Variants in LOXHD1 observed in about 807,000 individuals in gnomAD.
LOXHD1 encodes lipoxygenase homology domain-containing protein 1.
A neutral mutation model predicts 248.2 loss-of-function variants in LOXHD1; 205 were observed. The ratio of observed to expected loss-of-function variants is 0.83; its 90% confidence interval spans 0.74 to 0.93. The LOEUF is 0.93. LOXHD1 is among the 40% of genes least tolerant of loss of function. LOXHD1 has a pLI of 0.00. For missense variants in LOXHD1, 2,930 were observed against 2,971.6 expected, an observed-to-expected ratio of 0.99 and a Z score of 0.33; for synonymous variants, 1,113 against 1,162.8, an observed-to-expected ratio of 0.96 and a Z score of 0.87.
chr18:46,644,988 G>A (rs2039010859), intron 2 of LOXHD1, among the ~76,000 whole-genome samples: 1 of 152,206 alleles, frequency 6.6e-6, no homozygotes, highest in Non-Finnish European at 1.5e-5. Context: ...CAGTGCTTAT[G>A]AGATGGACAC....
intron 1 of LOXHD1, 93 bp downstream of exon 1, chr18:46,656,811 G>A (rs1568238218): frequency 2.8e-6 from 4 of 1,405,654 alleles, no homozygotes; most frequent in Non-Finnish European, 3.9e-6. Context: ...GGCTTGCTCC[G>A]AAATCTTAGA....
chr18:46,639,528 T>C, intron 4 of LOXHD1, 88 bp downstream of exon 4: 1 of 1,442,358 alleles, frequency 6.9e-7, no homozygotes, highest in Non-Finnish European at 9.3e-7. Context: ...TAGGTGAGAC[T>C]GCCCAGAGCA....
intron 29 of LOXHD1, among the ~76,000 whole-genome samples, chr18:46,525,458 G>A (rs1345895736): frequency 6.6e-6 from 1 of 152,158 alleles, no homozygotes; most frequent in African/African-American, 2.4e-5. Context: ...GTAGAGGTGA[G>A]GCTCTGGGGG....
intron 2 of LOXHD1, among the ~76,000 whole-genome samples, chr18:46,648,764 A>G (rs1020436303): frequency 1.3e-5 from 2 of 152,190 alleles, no homozygotes; most frequent in African/African-American, 4.8e-5. Context: ...GAGACCTTGT[A>G]TTTTATGCTC....
intron 6 of LOXHD1, among the ~76,000 whole-genome samples, chr18:46,610,152 G>C (rs575358360): frequency 7.2e-5 from 11 of 152,286 alleles, no homozygotes; most frequent in African/African-American, 2.6e-4. Flanking sequence ...GTCAGGGAAG[G>C]CTTCATGGCA....
At position 46,522,187 on chromosome 18, in the gene LOXHD1, G is replaced by A. The variant is rs1205241528; in HGVS notation, c.4999C>T (p.Pro1667Ser). Residue 1667 changes from proline (P) to serine (S), a missense_variant, in exon 32 of 41, where the codon CCC becomes TCC. By Grantham distance (74) the Pro-to-Ser change is moderately conservative (BLOSUM62 -1). Transcript: ENST00000642948. ...CGGCTGAAGCCCCTCTTCCCTCGGG[G>A]GTAGTCCAACCAGATGCGCTTACTA... is the stretch of plus-strand genomic sequence containing the variant. Reference protein sequence around the residue: ...ERSKRIWLDYPRGKRGFSRGS... With the variant: ...ERSKRIWLDYSRGKRGFSRGS... 2.6e-6 allele frequency: 4 copies of A among 1,551,596 alleles called. No homozygotes were observed. In the African/African-American group the frequency reaches 4.1e-5, roughly 16 times the overall value.
At chr18:46,638,721 T>C (rs1430847455) in intron 4 of LOXHD1, among the ~76,000 whole-genome samples, 2 of 152,182 alleles carry the variant, frequency 1.3e-5, no homozygotes, top group Non-Finnish European at 2.9e-5. Context: ...ACAAGTCAAG[T>C]GTCAAGTTTA....
In LOXHD1 at chr18:46,592,360, T is replaced by C. The variant is rs563122058; in HGVS notation, c.1518+138A>G. ...GAAGTCCCTGTGGCCTGTATCCAAA[T>C]TCAGGTCTCACCATAACCCTTTTCA... On this transcript the variant is annotated intron_variant, in intron 11 of 40. Coordinates refer to ENST00000642948, the MANE Select transcript of LOXHD1 (RefSeq NM_001384474.1). 5 of 778,710 alleles carry C rather than the reference T, an allele frequency of 6.4e-6. No homozygotes were observed. In the South Asian group the frequency reaches 9.4e-5, roughly 15 times the overall value. The allele number at this position is 778,710 out of a possible 1,614,324, so 48.2% of individuals were successfully genotyped here. A position where few individuals can be genotyped will look rare whatever the true frequency, so the allele number is the denominator to read the frequency against.
chr18:46,627,221 G>A (rs2038754924), intron 4 of LOXHD1, among the ~76,000 whole-genome samples: 1 of 152,188 alleles, frequency 6.6e-6, no homozygotes, highest in Admixed American at 6.5e-5. Flanking sequence ...GAGCCAGTCT[G>A]AGTGGCTGTG....
chr18:46,483,506 G>T (rs2032756947), intron 40 of LOXHD1, 81 bp downstream of exon 40: 3 of 1,506,244 alleles, frequency 2.0e-6, no homozygotes, highest in African/African-American at 2.8e-5. Context: ...ATCATACCCT[G>T]CTCTCTTGCC....
chr18:46,535,201 G>A (rs1184008605), intron 26 of LOXHD1, among the ~76,000 whole-genome samples: 1 of 152,076 alleles, frequency 6.6e-6, no homozygotes, highest in Non-Finnish European at 1.5e-5. Context: ...AGAACCACAA[G>A]GCAGGCACCA....
intron 14 of LOXHD1, among the ~76,000 whole-genome samples, chr18:46,577,135 C>T (rs2037873997): frequency 6.6e-6 from 1 of 152,150 alleles, no homozygotes; most frequent in Non-Finnish European, 1.5e-5. Flanking sequence ...ATGTGGAGAG[C>T]CACCATGATG....
intron 4 of LOXHD1, among the ~76,000 whole-genome samples, chr18:46,636,362 G>A (rs2144368268): frequency 6.6e-6 from 1 of 152,322 alleles, no homozygotes; most frequent in South Asian, 2.1e-4. Flanking sequence ...GTGCCTACAG[G>A]TAGGGCAGGC....
rs1489403580 is a variant in LOXHD1 at position 46,618,239 on chromosome 18, G to A, written c.563C>T (p.Thr188Ile). ...VYTGDVIGAG[T>I]DADVFINIFG... ...AATATTGATGAAGACATCAGCATCTGTCCCTGCACCAATTACATCACCAGT... is the reference window on the plus strand; with the variant it reads ...AATATTGATGAAGACATCAGCATCTATCCCTGCACCAATTACATCACCAGT... Residue 188 changes from threonine to isoleucine, a missense_variant, in exon 5 of 41, where the codon ACA (threonine) becomes ATA (isoleucine). Transcript: ENST00000642948. 3 of 1,551,396 alleles carry A rather than the reference G, an allele frequency of 1.9e-6. No homozygotes were observed. The highest frequency in any genetic ancestry group is 2.6e-6 in the Non-Finnish European group (3 of 1,146,792).
chr18:46,642,088 G>C (rs1275560437), intron 2 of LOXHD1, 52 bp from the exon 3 acceptor site: 2 of 1,500,656 alleles, frequency 1.3e-6, no homozygotes, highest in Non-Finnish European at 1.8e-6. Flanking sequence ...TCACAGGCCT[G>C]GGAGGAGAGC....
chr18:46,522,172 C>T lies in LOXHD1; in HGVS notation c.5014G>A (p.Gly1672Ser). 1.4e-5 allele frequency: 21 copies of T among 1,551,718 alleles called. No individual in the cohort carries two copies. The highest frequency in any genetic ancestry group is 3.6e-5 in the South Asian group (3 of 84,054). Residue 1672 changes from glycine (G) to serine (S), a missense_variant, in exon 32 of 41, where the codon GGC (glycine) becomes AGC (serine). Coordinates refer to ENST00000642948, the MANE Select transcript of LOXHD1 (RefSeq NM_001384474.1). The part of the protein sequence containing the change: ...IWLDYPRGKR[G>S]FSRGSVEEFY... ...TCCTCCACAGAGCCACGGCTGAAGC[C>T]CCTCTTCCCTCGGGGGTAGTCCAAC... is the stretch of plus-strand genomic sequence containing the variant.
chr18:46,638,126 C>A (rs1319621662), intron 4 of LOXHD1, among the ~76,000 whole-genome samples: 1 of 152,110 alleles, frequency 6.6e-6, no homozygotes, highest in African/African-American at 2.4e-5. Flanking sequence ...AGTAGTCATG[C>A]TGTGAAACGG....
rs62097063 is a variant in LOXHD1, at chr18:46,513,626, G to C, written c.5400-3811C>G. On this transcript the variant is annotated intron_variant, in intron 34 of 40. Coordinates refer to ENST00000642948, the MANE Select transcript of LOXHD1 (RefSeq NM_001384474.1). ...CAAGGACTGCTGGCAGCCACCAGAA[G>C]CTGCAAGGAGTGGATTCTCTCCCAG... Among the ~76,000 whole-genome samples the C allele has an allele frequency of 5.2e-3, 798 of 152,350 alleles. 4 individuals carry two copies. The highest frequency in any genetic ancestry group is 9.2e-3 in the Non-Finnish European group (626 of 68,028).
At chr18:46,505,765 A>C (rs1460562915) in intron 37 of LOXHD1, 73 bp downstream of exon 37, 2 of 1,485,516 alleles carry the variant, frequency 1.3e-6, no homozygotes, top group Non-Finnish European at 1.8e-6. Context: ...ATGTGCTGCC[A>C]GGGAGGGAAT....
Sources: allele counts gnomAD v4.1 joint callset (sites outside exome capture counted in the v4.1 genomes callset), GRCh38; gene constraint gnomAD v4.1.1; transcripts MANE v1.5; gene names NCBI Gene and HGNC (gene_info 2026-07-23, HGNC 2026-07-21).